LIPC: variants seen among roughly 807,000 people sequenced by gnomAD.
LIPC encodes the protein lipase C, hepatic type.
Under a neutral mutation model 50.7 loss-of-function variants are expected in LIPC, and 44 were observed. The observed-to-expected ratio is 0.87, with a 90% CI of 0.68 to 1.11. The LOEUF (loss-of-function observed/expected upper bound fraction) is 1.11, where lower values mean the gene tolerates loss of function less well. LIPC is among the 50% of genes most tolerant of loss of function. The probability of loss-of-function intolerance (pLI) is 0.00; values close to 1 mark genes in which losing one functional copy is unlikely to be tolerated. For missense variants in LIPC, 697 were observed against 648.2 expected (o/e 1.08, Z -0.82); for synonymous variants, 271 against 256.4 (o/e 1.06, Z -0.54).
intron 1 of LIPC, among the ~76,000 whole-genome samples, chr15:58,506,924 C>G (rs546649664): frequency 3.3e-5 from 5 of 152,332 alleles, no homozygotes; most frequent in Admixed American, 2.6e-4. Context: ...ACAATCATTG[C>G]AGAGGAGGAA....
At chr15:58,545,996 CG>C in intron 5 of LIPC, 21 bp downstream of exon 5, 4 of 1,564,024 alleles carry the variant, frequency 2.6e-6, no homozygotes, top group Non-Finnish European at 3.5e-6. Context: ...AGTCATGGGC[CG>C]GGAGCACCGG....
intron 1 of LIPC, among the ~76,000 whole-genome samples, chr15:58,493,556 C>T (rs1290926275): frequency 3.0e-4 from 7 of 23,382 alleles, no homozygotes; most frequent in African/African-American, 6.7e-4. Context: ...AAATTTATTA[C>T]ATATAAATAA....
At chr15:58,487,239 A>G (rs1003246472) in intron 1 of LIPC, among the ~76,000 whole-genome samples, 1 of 152,194 alleles carries the variant, frequency 6.6e-6, no homozygotes, top group Admixed American at 6.5e-5. Flanking sequence ...TCATAACTAA[A>G]TGATCTTAAG....
chr15:58,460,094 G>T (rs879863954), intron 1 of LIPC, among the ~76,000 whole-genome samples: 2 of 152,186 alleles, frequency 1.3e-5, no homozygotes, highest in Non-Finnish European at 2.9e-5. Flanking sequence ...ACCCTGTAGG[G>T]CTCTGCTCTG....
At chr15:58,502,505 TTC>T (rs1892018797) in intron 1 of LIPC, among the ~76,000 whole-genome samples, 1 of 29,172 alleles carries the variant, frequency 3.4e-5, no homozygotes, top group African/African-American at 9.7e-5. Flanking sequence ...CCATGTAATT[TTC>T]TCTTTTTTTT....
intron 1 of LIPC, among the ~76,000 whole-genome samples, chr15:58,490,711 G>A (rs1459043381): frequency 1.3e-5 from 2 of 152,230 alleles, no homozygotes; most frequent in African/African-American, 4.8e-5. Flanking sequence ...CCAGCTCTCT[G>A]AACCCGGGGC....
At chr15:58,563,925 T>C in intron 8 of LIPC, 1 of 616,202 alleles carries the variant, frequency 1.6e-6, no homozygotes, top group Non-Finnish European at 3.0e-6. Flanking sequence ...CACCCAGGTC[T>C]TTGAATACAC....
chr15:58,470,703 C>T (rs533749088), intron 1 of LIPC, among the ~76,000 whole-genome samples: 1 of 151,362 alleles, frequency 6.6e-6, no homozygotes, highest in Non-Finnish European at 1.5e-5. Context: ...GGGTGCACAC[C>T]ATTCTGCTGC....
At chr15:58,473,978 A>G (rs1890896937) in intron 1 of LIPC, 1 of 152,226 alleles carries the variant, frequency 6.6e-6, no homozygotes. Context: ...TTTTTTATTA[A>G]TGACTCATTT....
chr15:58,506,834 C>T (rs1892166398), intron 1 of LIPC, among the ~76,000 whole-genome samples: 1 of 152,118 alleles, frequency 6.6e-6, no homozygotes, highest in African/African-American at 2.4e-5. Context: ...TTGAGAAATA[C>T]CCGAGACTAG....
intron 1 of LIPC, among the ~76,000 whole-genome samples, chr15:58,514,194 T>C (rs1384932654): frequency 6.6e-6 from 1 of 152,230 alleles, no homozygotes; most frequent in African/African-American, 2.4e-5. Context: ...CTCCACTTTC[T>C]AGCTGTGTGG....
intron 1 of LIPC, among the ~76,000 whole-genome samples, chr15:58,480,642 C>T (rs1891155634): frequency 6.6e-6 from 1 of 152,246 alleles, no homozygotes; most frequent in African/African-American, 2.4e-5. Context: ...CAGCCCAGGA[C>T]TGCCTTGGTC....
chr15:58,505,201 G>T (rs1892107231), intron 1 of LIPC, among the ~76,000 whole-genome samples: 1 of 152,232 alleles, frequency 6.6e-6, no homozygotes, highest in Non-Finnish European at 1.5e-5. Context: ...GGCCATCAGG[G>T]TGCTGGGCTA....
chr15:58,443,655 G>C (rs1006604955), intron 1 of LIPC, among the ~76,000 whole-genome samples: 3 of 152,332 alleles, frequency 2.0e-5, no homozygotes, highest in South Asian at 4.1e-4. Flanking sequence ...ACCTGAGAAA[G>C]CTCCTTTCAT....
intron 6 of LIPC, among the ~76,000 whole-genome samples, chr15:58,557,164 G>A (rs1442442485): frequency 6.6e-6 from 1 of 152,114 alleles, no homozygotes; most frequent in Non-Finnish European, 1.5e-5. Flanking sequence ...GTCAGGTTGT[G>A]TGAGCCGACG....
chr15:58,461,234 C>G (rs1376637642), intron 1 of LIPC, among the ~76,000 whole-genome samples: 2 of 152,216 alleles, frequency 1.3e-5, no homozygotes, highest in African/African-American at 4.8e-5. Context: ...TACCAGTTAT[C>G]CCACCAAGTG....
intron 1 of LIPC, among the ~76,000 whole-genome samples, chr15:58,498,413 A>G (rs1891851869): frequency 6.6e-6 from 1 of 152,170 alleles, no homozygotes; most frequent in African/African-American, 2.4e-5. Flanking sequence ...AATAGGGGCC[A>G]TATTGCCCCC....
intron 1 of LIPC, among the ~76,000 whole-genome samples, chr15:58,451,728 G>A (rs371766725): frequency 4.6e-5 from 7 of 152,186 alleles, no homozygotes; most frequent in East Asian, 3.9e-4. Context: ...CCAGCAGACC[G>A]TGGAGGACTG....
At chr15:58,555,173 C>G (rs17190678) in intron 6 of LIPC, among the ~76,000 whole-genome samples, 61,876 of 152,134 alleles carry the variant, frequency 0.41, 14,562 homozygotes, top group Non-Finnish European at 0.54. Flanking sequence ...AATCGTGGAA[C>G]CATAGCATCT....
Sources: allele counts gnomAD v4.1 joint callset (sites outside exome capture counted in the v4.1 genomes callset), GRCh38; gene constraint gnomAD v4.1.1; transcripts MANE v1.5; gene names NCBI Gene and HGNC (gene_info 2026-07-23, HGNC 2026-07-21).